The following LRP1 variants were observed in gnomAD, a reference collection of about 807,000 sequenced individuals.
LRP1 encodes LDL receptor related protein 1.
In LRP1, 51 loss-of-function variants were observed where a neutral mutation model predicts 541.5. The ratio of observed to expected loss-of-function variants is 0.09; its 90% CI spans 0.08 to 0.12. LRP1 has a LOEUF of 0.12. Ranked by LOEUF, LRP1 falls within the 10% of genes least tolerant of loss-of-function variation. LRP1 has a pLI of 1.00. For missense variants in LRP1, 3,878 were observed against 6,376.2 expected, an observed-to-expected ratio of 0.61 and a Z score of 13.34; for synonymous variants, 2,219 against 2,470.8, an observed-to-expected ratio of 0.90 and a Z score of 3.02.
At position 57,185,393 on chromosome 12, in the gene LRP1, G is replaced by GC; in HGVS notation, c.6464-138_6464-137insC. 4 of 1,332,980 alleles carry GC rather than the reference G, an allele frequency of 3.0e-6. No homozygotes were observed. Among genetic ancestry groups the GC allele is most frequent in the Non-Finnish European group, 4.0e-6 (4 of 991,320 alleles). The allele number at this position is 1,332,980 out of a possible 1,614,324, so 82.6% of individuals were successfully genotyped here. On this transcript the variant is annotated intron_variant, in intron 40 of 88. Transcript: ENST00000243077. The surrounding 1 kb of genome is among the most constrained non-coding windows in gnomAD (Gnocchi z 4.9). ...TGCTCTGGGACAGATCTTGGCATTG[G>GC]ACTCTGGGCCCTGGAGGGTCATTCA...
At chr12:57,161,817 G>A (rs889900227) in intron 13 of LRP1, among the ~76,000 whole-genome samples, 31 of 152,188 alleles carry the variant, frequency 2.0e-4, no homozygotes, top group Non-Finnish European at 1.0e-4. Flanking sequence ...CTTCACACTG[G>A]ATCACCCGTA....
rs753485580 is a variant in LRP1, at chr12:57,178,368, C to T, written c.4371C>T (p.Ala1457=). 1.9e-6 allele frequency: 3 copies of T among 1,613,800 alleles called. No homozygotes were observed. The highest frequency in any genetic ancestry group is 3.3e-5 in the Admixed American group (2 of 60,018). Residue 1457 remains alanine (A), a synonymous_variant, in exon 27 of 89, where the codon GCC becomes GCT. Transcript: ENST00000243077. The surrounding 1 kb of genome is among the most constrained non-coding windows in gnomAD (Gnocchi z 5.8). ...TCCATCATGCTCTTAGGTCAGATGC[C>T]ATTTACTCAGCCCGTTACGACGGCT... ...RILWIDARSD[A]IYSARYDGSG...
chr12:57,144,307 T>A (rs1354499018), intron 4 of LRP1, among the ~76,000 whole-genome samples: 2 of 152,174 alleles, frequency 1.3e-5, no homozygotes, highest in Non-Finnish European at 2.9e-5. Flanking sequence ...ACAATTTTTT[T>A]TTCTGTGTTA....
chr12:57,202,886 G>A (rs1016460891), intron 68 of LRP1: 5 of 562,486 alleles, frequency 8.9e-6, no homozygotes, highest in Non-Finnish European at 1.6e-5. Context: ...CCTGGTGCTT[G>A]TCTCAGTGGT....
rs1234561103 is a variant in LRP1, at chr12:57,161,061, G to A, written c.2148G>A (p.Val716=). The A allele has an allele frequency of 6.2e-7, 1 of 1,613,950 alleles. No individual in the cohort carries two copies. The highest frequency in any genetic ancestry group is 8.5e-7 in the Non-Finnish European group (1 of 1,180,032). Reference sequence around the variant, plus strand: ...TCCCGGCTGGGCGCCTCTACTGGGTGGATGCCTTCTACGACCGCATCGAGA... The same window carrying A: ...TCCCGGCTGGGCGCCTCTACTGGGTAGATGCCTTCTACGACCGCATCGAGA... ...LDIPAGRLYW[V]DAFYDRIETI... is the part of the protein sequence containing the mutation. The change falls in exon 13 of 89, where the codon GTG becomes GTA. Residue 716 remains valine (V), a synonymous_variant. Coordinates refer to ENST00000243077, the MANE Select transcript of LRP1 (RefSeq NM_002332.3).
In LRP1 at chr12:57,184,862, T is replaced by C. The variant is rs886124548; in HGVS notation, c.6210T>C (p.Asp2070=). The C allele has an allele frequency of 1.4e-5, 22 of 1,613,986 alleles. No homozygotes were observed. In the African/African-American group the frequency reaches 2.4e-4, roughly 18 times the overall value. The change falls in exon 39 of 89, where the codon GAT becomes GAC. Residue 2070 remains aspartate (D), a synonymous_variant. Coordinates refer to ENST00000243077, the MANE Select transcript of LRP1 (RefSeq NM_002332.3). The surrounding 1 kb of genome is among the most constrained non-coding windows in gnomAD (Gnocchi z 7.8). ...AGGATGGGAAGCTGTACTGGTGCGA[T>C]GCACGGACAGACAAGATTGAACGGA... ...DYQDGKLYWC[D]ARTDKIERID... is the part of the protein sequence containing the mutation.
chr12:57,130,157 G>A (rs1351069256), intron 1 of LRP1, among the ~76,000 whole-genome samples: 1 of 152,080 alleles, frequency 6.6e-6, no homozygotes, highest in Non-Finnish European at 1.5e-5. Context: ...TCCCTGATTT[G>A]AGAAGGGGTG....
Position 57,212,511 on chromosome 12 carries a change from C to T in LRP1, c.13591C>T (p.Leu4531=), listed in dbSNP as rs1038930235. ...CAGCACGGACGAGAAGCGAGAACTC[C>T]TGGGCCGGGGCCCTGAGGACGAGAT... ...LASTDEKREL[L]GRGPEDEIGD... The change falls in exon 89 of 89, where the codon CTG becomes TTG. Residue 4531 remains leucine, a synonymous_variant. Transcript: ENST00000243077. The surrounding 1 kb of genome is among the most constrained non-coding windows in gnomAD (Gnocchi z 5.0). 6.2e-6 allele frequency: 10 copies of T among 1,613,694 alleles called. No homozygotes were observed. The highest frequency in any genetic ancestry group is 3.3e-5 in the Admixed American group (2 of 59,958).
chr12:57,179,161 G>A lies in LRP1; in HGVS notation c.4738+140G>A. 2.3e-6 allele frequency: 3 copies of A among 1,313,440 alleles called. No individual in the cohort carries two copies. Among genetic ancestry groups the A allele is most frequent in the Non-Finnish European group, 3.1e-6 (3 of 961,670 alleles). The allele number at this position is 1,313,440 out of a possible 1,614,324, so 81.4% of individuals were successfully genotyped here. A position where few individuals can be genotyped will look rare whatever the true frequency, so the allele number is the denominator to read the frequency against. ...GAGAGGCTCCAGAGACAGCCACTGTGAGAAGGGGCTGCAGGTCTGCCAGGG... is the reference window on the plus strand; with the variant it reads ...GAGAGGCTCCAGAGACAGCCACTGTAAGAAGGGGCTGCAGGTCTGCCAGGG... On this transcript the variant is annotated intron_variant, in intron 28 of 88. Coordinates refer to ENST00000243077, the MANE Select transcript of LRP1 (RefSeq NM_002332.3). This position sits in a 1 kb window ranked among gnomAD's most constrained non-coding sequence, Gnocchi z 6.8.
At chr12:57,144,217 G>T (rs1054335566) in intron 4 of LRP1, among the ~76,000 whole-genome samples, 2 of 152,178 alleles carry the variant, frequency 1.3e-5, no homozygotes, top group East Asian at 3.9e-4. Flanking sequence ...CTGCTCAAGA[G>T]TACTGCGTGC....
chr12:57,197,737 C>T lies in LRP1; in HGVS notation c.9282+73C>T, dbSNP rs1592654048. ...CTGTTTTCAGATCGTCTCTCCTTCC[C>T]GCCCCACCAACCCAAATTGCTTCCT... On this transcript the variant is annotated intron_variant, in intron 58 of 88. Transcript: ENST00000243077. This position sits in a 1 kb window ranked among gnomAD's most constrained non-coding sequence, Gnocchi z 4.5. 8.9e-6 allele frequency: 14 copies of T among 1,569,874 alleles called. No individual in the cohort carries two copies. The highest frequency in any genetic ancestry group is 5.7e-5 in the South Asian group (5 of 87,594).
rs2036625710 is a variant in LRP1, at chr12:57,200,457, G to A, written c.10030G>A (p.Asp3344Asn). Reference protein sequence around the residue: ...CTASQFVCKNDKCIPFWWKCD... With the variant: ...CTASQFVCKNNKCIPFWWKCD... Reference sequence around the variant, plus strand: ...TGCCCTCCAGTTTGTATGCAAGAACGACAAGTGCATCCCCTTCTGGTGGAA... The same window carrying A: ...TGCCCTCCAGTTTGTATGCAAGAACAACAAGTGCATCCCCTTCTGGTGGAA... Residue 3344 changes from aspartate to asparagine, a missense_variant, in exon 63 of 89, where the codon GAC (aspartate) becomes AAC (asparagine). Asp to Asn is a conservative substitution (Grantham distance 23, BLOSUM62 1). Around this residue, in one of 13 missense-constraint regions of LRP1, gnomAD observed 278 missense variants for 536.3 expected, o/e 0.52. Transcript: ENST00000243077. The A allele has an allele frequency of 3.4e-6, 5 of 1,491,644 alleles. No individual in the cohort carries two copies. The highest frequency in any genetic ancestry group is 2.8e-5 in the East Asian group (1 of 35,614). 92.4% of individuals were successfully genotyped at this position (1,491,644 alleles called of 1,614,324 possible). A position where few individuals can be genotyped will look rare whatever the true frequency, so the allele number is the denominator to read the frequency against.
chr12:57,194,232 C>T (rs1206622979), intron 48 of LRP1, 122 bp from the exon 49 acceptor site: 11 of 1,187,960 alleles, frequency 9.3e-6, no homozygotes, highest in African/African-American at 1.5e-5. Flanking sequence ...CAGACAGTGC[C>T]CCACCAGAAG....
rs774649843 is a variant in LRP1 at position 57,167,476 on chromosome 12, A to G, written c.2947A>G (p.Thr983Ala). ...CACCTGCTTCCCCCTGACTCAGTTTACCTGCAACAATGGCAGATGTATCAA... is the reference window on the plus strand; with the variant it reads ...CACCTGCTTCCCCCTGACTCAGTTTGCCTGCAACAATGGCAGATGTATCAA... ...YPTCFPLTQFTCNNGRCININ... is the reference protein window; with the variant it reads ...YPTCFPLTQFACNNGRCININ... The change falls in exon 19 of 89, where the codon ACC (threonine) becomes GCC (alanine). Residue 983 changes from threonine to alanine, a missense_variant. Transcript: ENST00000243077. 2.5e-6 allele frequency: 4 copies of G among 1,614,110 alleles called. No homozygotes were observed. The highest frequency in any genetic ancestry group is 2.5e-6 in the Non-Finnish European group (3 of 1,179,984).
In LRP1 at chr12:57,189,846, C is replaced by T. The variant is rs1179444487; in HGVS notation, c.7032-959C>T. Reference sequence around the variant, plus strand: ...CAAGAGAATGTGGAGTCCCCTGCCCCGCCCTGGGCCTAGCTGAGTGACAAG... The same window carrying T: ...CAAGAGAATGTGGAGTCCCCTGCCCTGCCCTGGGCCTAGCTGAGTGACAAG... On this transcript the variant is annotated intron_variant, in intron 42 of 88. Transcript: ENST00000243077. This position sits in a 1 kb window ranked among gnomAD's most constrained non-coding sequence, Gnocchi z 4.4. Among the ~76,000 whole-genome samples, 1 of 152,070 alleles carries T rather than the reference C, an allele frequency of 6.6e-6. No homozygotes were observed. Among genetic ancestry groups the T allele is most frequent in the African/African-American group, 2.4e-5 (1 of 41,392 alleles).
rs548508591 is a variant in LRP1 at position 57,205,192 on chromosome 12, C to T, written c.11278C>T (p.Arg3760Cys). ...RNQRCLSSSL[R>C]CNMFDDCGDG... ...CCAGCGCTGCCTCTCCTCCTCCCTG[C>T]GCTGCAACATGTTCGATGACTGCGG... The change falls in exon 73 of 89, where the codon CGC (arginine) becomes TGC (cysteine). Residue 3760 changes from arginine to cysteine, a missense_variant. Around this residue, in one of 13 missense-constraint regions of LRP1, gnomAD observed 871 missense variants for 1,212.4 expected, o/e 0.72. Transcript: ENST00000243077. The surrounding 1 kb of genome is among the most constrained non-coding windows in gnomAD (Gnocchi z 4.6). 1.2e-5 allele frequency: 20 copies of T among 1,613,946 alleles called. No individual in the cohort carries two copies. Among genetic ancestry groups the T allele is most frequent in the East Asian group, 4.5e-5 (2 of 44,880 alleles).
Position 57,184,572 on chromosome 12 carries a change from C to G in LRP1, c.6186+120C>G. 1 of 1,395,824 alleles carries G rather than the reference C, an allele frequency of 7.2e-7. No homozygotes were observed. 86.5% of individuals were successfully genotyped at this position (1,395,824 alleles called of 1,614,324 possible). A position where few individuals can be genotyped will look rare whatever the true frequency, so the allele number is the denominator to read the frequency against. On this transcript the variant is annotated intron_variant, in intron 38 of 88. Transcript: ENST00000243077. This position sits in a 1 kb window ranked among gnomAD's most constrained non-coding sequence, Gnocchi z 7.8. ...CAGGGGAAGTCACAGGGTCTCCCAG[C>G]CCAGCCCTCCACCCAGAGTAGGACT...
chr12:57,167,530 A>T lies in LRP1; in HGVS notation c.2995+6A>T, dbSNP rs762536393. On this transcript the variant is annotated splice_donor_region_variant and intron_variant, in intron 19 of 88. Transcript: ENST00000243077. ...CAACTGGAGATGCGACAATGGTAAGAGCTTGCTCTCCTCACCTGCTGATTC... is the reference window on the plus strand; with the variant it reads ...CAACTGGAGATGCGACAATGGTAAGTGCTTGCTCTCCTCACCTGCTGATTC... 5.0e-6 allele frequency: 8 copies of T among 1,612,486 alleles called. No individual in the cohort carries two copies. The East Asian group carries it at 1.3e-4, about 27-fold the overall frequency.
At position 57,209,145 on chromosome 12, in the gene LRP1, G is replaced by C; in HGVS notation, c.12208G>C (p.Gly4070Arg). The change falls in exon 79 of 89, where the codon GGC becomes CGC. Residue 4070 changes from glycine (G) to arginine (R), a missense_variant. This residue lies in a region of LRP1 where 871 missense variants were observed against 1,212.4 expected (regional missense o/e 0.72). Coordinates refer to ENST00000243077, the MANE Select transcript of LRP1 (RefSeq NM_002332.3). The part of the protein sequence containing the change: ...YWADAKLSVI[G>R]SIRLNGTDPI... Reference sequence around the variant, plus strand: ...GGCAGACGCCAAGCTTTCAGTCATCGGCAGCATCCGGCTCAATGGCACGGA... The same window carrying C: ...GGCAGACGCCAAGCTTTCAGTCATCCGCAGCATCCGGCTCAATGGCACGGA... The C allele has an allele frequency of 6.2e-7, 1 of 1,614,094 alleles. No homozygotes were observed. Among genetic ancestry groups the C allele is most frequent in the Non-Finnish European group, 8.5e-7 (1 of 1,180,012 alleles).
Sources: allele counts gnomAD v4.1 joint callset (sites outside exome capture counted in the v4.1 genomes callset), GRCh38; gene constraint gnomAD v4.1.1; regional missense constraint gnomAD v4.1.1; non-coding constraint Gnocchi (gnomAD v3.1); transcripts MANE v1.5; gene names NCBI Gene and HGNC (gene_info 2026-07-23, HGNC 2026-07-21).